The following ZNF431 variants were observed in gnomAD, a reference collection of about 807,000 sequenced individuals.
The protein encoded by ZNF431 is zinc finger protein 431.
A neutral mutation model predicts 57.0 loss-of-function variants in ZNF431; 34 were observed. That is an observed-to-expected ratio of 0.60 (90% confidence interval 0.45 to 0.79). The LOEUF is 0.79. Among genes scored for constraint, ZNF431 ranks in the 30% least tolerant of loss-of-function variants. ZNF431 has a pLI of 0.00. For missense variants in ZNF431, 607 were observed against 667.1 expected (o/e 0.91, Z 0.99); for synonymous variants, 207 against 220.3 (o/e 0.94, Z 0.54).
In ZNF431 at chr19:21,189,464, C is replaced by G. The variant is rs1377413062; in HGVS notation, c.*5430C>G. 1 of 149,218 alleles carries G rather than the reference C, an allele frequency of 6.7e-6. No homozygotes were observed. The highest frequency in any genetic ancestry group is 1.9e-4 in the East Asian group (1 of 5,160). 9.2% of individuals were successfully genotyped at this position (149,218 alleles called of 1,614,324 possible). ...CACCACTGCACTCCAGACTGGGGGA[C>G]AGAGTGACTATCAAAAAAAAAAAAA... is the stretch of plus-strand genomic sequence containing the variant. On this transcript the variant is annotated 3_prime_UTR_variant, in exon 5 of 5. Transcript: ENST00000311048.
chr19:21,162,178 GTGTGTGTTTTC>G (rs971218627), intron 2 of ZNF431, among the ~76,000 whole-genome samples: 5 of 150,902 alleles, frequency 3.3e-5, no homozygotes, highest in African/African-American at 1.2e-4. Context: ...GTGTGTGTGT[GTGTGTGTTTTC>G]TTGAAATGGA....
At chr19:21,162,686 G>T in intron 2 of ZNF431, 1 of 984,580 alleles carries the variant, frequency 1.0e-6, no homozygotes, top group South Asian at 4.7e-5. Context: ...AAAAAGATGA[G>T]AGTTTTTGCT....
At chr19:21,143,307 A>G (rs567485272) in intron 1 of ZNF431, among the ~76,000 whole-genome samples, 1 of 152,310 alleles carries the variant, frequency 6.6e-6, no homozygotes, top group African/African-American at 2.4e-5. Context: ...CTGATACTGT[A>G]TTGTTAAAAC....
chr19:21,158,894 G>A (rs1176129062), intron 2 of ZNF431, among the ~76,000 whole-genome samples: 2 of 152,108 alleles, frequency 1.3e-5, no homozygotes, highest in Non-Finnish European at 1.5e-5. Context: ...TTCTTGTCTT[G>A]TGCCAGTTTT....
In ZNF431 at chr19:21,183,785, C is replaced by T; in HGVS notation, c.1482C>T (p.Asn494=). The T allele has an allele frequency of 6.2e-7, 1 of 1,613,806 alleles. No individual in the cohort carries two copies. Among genetic ancestry groups the T allele is most frequent in the South Asian group, 1.1e-5 (1 of 91,060 alleles). The change falls in exon 5 of 5, where the codon AAC becomes AAT. Residue 494 remains asparagine (N), a synonymous_variant. Coordinates refer to ENST00000311048, the MANE Select transcript of ZNF431 (RefSeq NM_133473.4). ...GTGAAGAATGTGGCAAAGCTTTTAA[C>T]CGATCCTCAAATCTTACTAAACATA... ...YKCEECGKAF[N]RSSNLTKHKI...
At chr19:21,165,732 AT>A (rs1970702675) in intron 2 of ZNF431, among the ~76,000 whole-genome samples, 1 of 150,784 alleles carries the variant, frequency 6.6e-6, no homozygotes, top group South Asian at 2.1e-4. Flanking sequence ...TTTTTTTTGC[AT>A]GTGTCTGTCT....
intron 2 of ZNF431, among the ~76,000 whole-genome samples, chr19:21,155,907 T>C (rs1970403413): frequency 6.6e-6 from 1 of 152,108 alleles, no homozygotes. Flanking sequence ...GCTTTCACAC[T>C]ACCTATTGTC....
chr19:21,185,891 T>G lies in ZNF431; in HGVS notation c.*1857T>G, dbSNP rs1432064983. On this transcript the variant is annotated 3_prime_UTR_variant, in exon 5 of 5. Coordinates refer to ENST00000311048, the MANE Select transcript of ZNF431 (RefSeq NM_133473.4). ...TACACTTTAAAAAAAAATTTTTAAA[T>G]GTACAATTAAATTTTTATTTACCAC... 6.6e-6 allele frequency: 1 copy of G among 152,210 alleles called. No individual in the cohort carries two copies. The highest frequency in any genetic ancestry group is 2.4e-5 in the African/African-American group (1 of 41,460). The allele number at this position is 152,210 out of a possible 1,614,324, so 9.4% of individuals were successfully genotyped here.
intron 4 of ZNF431, among the ~76,000 whole-genome samples, chr19:21,180,789 A>G (rs1045377787): frequency 6.6e-6 from 1 of 152,086 alleles, no homozygotes; most frequent in Non-Finnish European, 1.5e-5. Flanking sequence ...TCTACTAAAA[A>G]TACAAAAATT....
Position 21,194,278 on chromosome 19 carries a change from A to G in ZNF431, c.*10244A>G, listed in dbSNP as rs914385619. ...ACAATAGCCATAAACAAAAAATAAT[A>G]TACTTAGAAATACATCAAACCAGGG... On this transcript the variant is annotated 3_prime_UTR_variant, in exon 5 of 5. Coordinates refer to ENST00000311048, the MANE Select transcript of ZNF431 (RefSeq NM_133473.4). 6.6e-6 allele frequency: 1 copy of G among 152,166 alleles called. No homozygotes were observed. Among genetic ancestry groups the G allele is most frequent in the African/African-American group, 2.4e-5 (1 of 41,446 alleles). The allele number at this position is 152,166 out of a possible 1,614,324, so 9.4% of individuals were successfully genotyped here.
intron 2 of ZNF431, among the ~76,000 whole-genome samples, chr19:21,153,260 G>A (rs1483164608): frequency 6.6e-6 from 1 of 152,096 alleles, no homozygotes; most frequent in Admixed American, 6.6e-5. Flanking sequence ...TTTATGACCT[G>A]TATCTTATGC....
rs1027220307 is a variant in ZNF431, at chr19:21,182,775, A to G, written c.472A>G (p.Lys158Glu). The part of the protein sequence containing the change: ...SASVDEYKVH[K>E]EGYNELNQCL... ...AAGTGTAGATGAGTATAAGGTGCAC[A>G]AAGAAGGTTATAATGAGCTAAACCA... Residue 158 changes from lysine (K) to glutamate (E), a missense_variant, in exon 5 of 5, where the codon AAA (lysine) becomes GAA (glutamate). Transcript: ENST00000311048. 2 of 1,613,916 alleles carry G rather than the reference A, an allele frequency of 1.2e-6. No individual in the cohort carries two copies. The highest frequency in any genetic ancestry group is 1.7e-5 in the Admixed American group (1 of 60,002).
At position 21,192,877 on chromosome 19, in the gene ZNF431, A is replaced by G. The variant is rs1971534686; in HGVS notation, c.*8843A>G. On this transcript the variant is annotated 3_prime_UTR_variant, in exon 5 of 5. Transcript: ENST00000311048. ...CTCTGCATATATTTAAGTTTTAGAG[A>G]TGTGAAATCACAACTAATTCTGCAT... is the stretch of plus-strand genomic sequence containing the variant. 1 of 152,244 alleles carries G rather than the reference A, an allele frequency of 6.6e-6. No homozygotes were observed. The highest frequency in any genetic ancestry group is 6.5e-5 in the Admixed American group (1 of 15,274). The allele number at this position is 152,244 out of a possible 1,614,324, so 9.4% of individuals were successfully genotyped here.
chr19:21,172,351 C>T (rs1970924063), intron 4 of ZNF431, among the ~76,000 whole-genome samples: 1 of 150,044 alleles, frequency 6.7e-6, no homozygotes, highest in Admixed American at 6.7e-5. Flanking sequence ...TCACTTAAAC[C>T]CAGGAGACAG....
At position 21,192,070 on chromosome 19, in the gene ZNF431, A is replaced by G. The variant is rs1481765461; in HGVS notation, c.*8036A>G. The G allele has an allele frequency of 6.6e-6, 1 of 152,086 alleles. No individual in the cohort carries two copies. The allele number at this position is 152,086 out of a possible 1,614,324, so 9.4% of individuals were successfully genotyped here. A position where few individuals can be genotyped will look rare whatever the true frequency, so the allele number is the denominator to read the frequency against. ...TCAAACTATAGTTATTGTAGATGTA[A>G]TTGTTTTTGAATTTCATTTTGGGAT... On this transcript the variant is annotated 3_prime_UTR_variant, in exon 5 of 5. Transcript: ENST00000311048.
chr19:21,150,003 C>G, intron 2 of ZNF431: 1 of 590,868 alleles, frequency 1.7e-6, no homozygotes, highest in Non-Finnish European at 3.2e-6. Context: ...TTCTTTTTCT[C>G]CACCAAGGTG....
chr19:21,182,328 A>G (rs1205667933), intron 4 of ZNF431, among the ~76,000 whole-genome samples: 1 of 152,232 alleles, frequency 6.6e-6, no homozygotes, highest in African/African-American at 2.4e-5. Flanking sequence ...TTGAGTAGGA[A>G]GAACTGTGTT....
Position 21,143,253 on chromosome 19 carries a change from T to A in ZNF431, c.4-298T>A, listed in dbSNP as rs534961883. Among the ~76,000 whole-genome samples, 361 of 151,372 alleles carry A rather than the reference T, an allele frequency of 2.4e-3. 2 individuals carry two copies. Among genetic ancestry groups the A allele is most frequent in the South Asian group, 4.8e-3 (23 of 4,818 alleles). On this transcript the variant is annotated intron_variant, in intron 1 of 4. Coordinates refer to ENST00000311048, the MANE Select transcript of ZNF431 (RefSeq NM_133473.4). ...TTTTTAAAAGATTTTTTAAAAAAAA[T>A]ATCTGTAAATATTTCCCATGAGAAG...
chr19:21,190,091 C>T lies in ZNF431; in HGVS notation c.*6057C>T. 1 of 378,926 alleles carries T rather than the reference C, an allele frequency of 2.6e-6. No homozygotes were observed. The highest frequency in any genetic ancestry group is 4.7e-6 in the Non-Finnish European group (1 of 214,162). 23.5% of individuals were successfully genotyped at this position (378,926 alleles called of 1,614,324 possible). The stretch of plus-strand genomic sequence containing the variant: ...GGCTGAGGCATGAGAATCCCTTGAA[C>T]CACAGATGCAGAGGTTGCAGTGAAC... On this transcript the variant is annotated 3_prime_UTR_variant, in exon 5 of 5. Coordinates refer to ENST00000311048, the MANE Select transcript of ZNF431 (RefSeq NM_133473.4).
Sources: gnomAD v4.1 joint callset for allele counts (sites outside exome capture counted in the v4.1 genomes callset) on GRCh38, gnomAD v4.1.1 for gene constraint, MANE v1.5 for transcripts, NCBI Gene and HGNC (gene_info 2026-07-23, HGNC 2026-07-21) for gene names.